AFF2: variants seen among roughly 807,000 people sequenced by gnomAD.
AFF2 encodes the protein AF4/FMR2 family member 2.
AFF2 carries 14 observed loss-of-function variants against 76.9 expected under a neutral mutation model. That is an observed-to-expected ratio of 0.18 (90% CI 0.12 to 0.28). AFF2 has a LOEUF of 0.28. Ranked by LOEUF, AFF2 falls within the 10% of genes least tolerant of loss-of-function variation. AFF2 has a pLI of 1.00. For synonymous variants in AFF2, 398 were observed against 366.7 expected, an observed-to-expected ratio of 1.09 and a Z score of -0.98; for missense variants, 868 against 1,001.1, an observed-to-expected ratio of 0.87 and a Z score of 1.79.
chrX:148,580,719 A>G (rs1167041128), intron 1 of AFF2, among the ~76,000 whole-genome samples: 1 of 79,660 alleles, frequency 1.3e-5, no homozygotes, highest in Non-Finnish European at 2.3e-5. Context: ...TAACAGTTTT[A>G]TATATATATA....
At chrX:148,828,568 G>A (rs1258637756) in intron 4 of AFF2, among the ~76,000 whole-genome samples, 2 of 112,183 alleles carry the variant, frequency 1.8e-5, no homozygotes, top group African/African-American at 6.5e-5. Context: ...ATCGTGTTTA[G>A]GGAATCAAAT....
chrX:148,796,111 C>T (rs782153901), intron 3 of AFF2, among the ~76,000 whole-genome samples: 2 of 106,980 alleles, frequency 1.9e-5, no homozygotes, highest in East Asian at 3.0e-4. Context: ...TCAAATAACA[C>T]ATCATAGTGT....
intron 3 of AFF2, among the ~76,000 whole-genome samples, chrX:148,746,269 T>G (rs2055419948): frequency 8.9e-6 from 1 of 112,135 alleles, no homozygotes; most frequent in Non-Finnish European, 1.9e-5. Flanking sequence ...AAATTCCATT[T>G]TGCTCCTTTG....
intron 1 of AFF2, among the ~76,000 whole-genome samples, chrX:148,569,496 A>T (rs1224473053): frequency 8.9e-6 from 1 of 111,976 alleles, no homozygotes; most frequent in African/African-American, 3.2e-5. Context: ...GAAATATGCC[A>T]TATTTTCTAG....
chrX:148,892,662 G>A (rs989561670), intron 8 of AFF2, among the ~76,000 whole-genome samples: 3 of 111,808 alleles, frequency 2.7e-5, no homozygotes, highest in Admixed American at 9.5e-5. Flanking sequence ...TTTTAAGTTT[G>A]CTAATGAAAA....
chrX:148,806,453 G>A (rs904516679), intron 3 of AFF2, among the ~76,000 whole-genome samples: 27 of 111,890 alleles, frequency 2.4e-4, no homozygotes, highest in African/African-American at 8.1e-4. Flanking sequence ...TGGCAGTGTC[G>A]GTGAACCCGG....
chrX:148,726,678 A>G (rs928836083), intron 3 of AFF2, among the ~76,000 whole-genome samples: 5 of 111,898 alleles, frequency 4.5e-5, no homozygotes, highest in Non-Finnish European at 9.4e-5. Context: ...AACAAATCCC[A>G]CCAATCACAA....
chrX:148,535,003 A>T (rs1389046080), intron 1 of AFF2, among the ~76,000 whole-genome samples: 1 of 111,664 alleles, frequency 9.0e-6, no homozygotes, highest in Non-Finnish European at 1.9e-5. Context: ...CATGGATTTG[A>T]ATGCTAACTC....
chrX:148,603,455 GTTT>G (rs35646834), intron 1 of AFF2, among the ~76,000 whole-genome samples: 3 of 103,043 alleles, frequency 2.9e-5, no homozygotes, highest in African/African-American at 1.1e-4. Flanking sequence ...TCATTAGGTG[GTTT>G]TTTTTTTTTC....
At chrX:148,820,089 G>A (rs1452697280) in intron 4 of AFF2, among the ~76,000 whole-genome samples, 2 of 111,336 alleles carry the variant, frequency 1.8e-5, no homozygotes, top group African/African-American at 6.5e-5. Context: ...TTCCTAAAAT[G>A]GTTTAGCTAT....
At chrX:148,908,917 G>A (rs2071439124) in intron 9 of AFF2, among the ~76,000 whole-genome samples, 1 of 112,265 alleles carries the variant, frequency 8.9e-6, no homozygotes, top group African/African-American at 3.2e-5. Context: ...CAATGGCAGA[G>A]TTGAGTAGTT....
At chrX:148,766,899 T>C (rs2069526638) in intron 3 of AFF2, among the ~76,000 whole-genome samples, 1 of 111,933 alleles carries the variant, frequency 8.9e-6, no homozygotes, top group Middle Eastern at 4.6e-3. Context: ...GTGTGGATTC[T>C]CTCTTGAATC....
intron 3 of AFF2, among the ~76,000 whole-genome samples, chrX:148,696,999 T>C (rs1177079577): frequency 3.6e-5 from 4 of 112,412 alleles, no homozygotes; most frequent in African/African-American, 1.3e-4. Context: ...AGTTATGTAA[T>C]TAAATTTAGT....
intron 1 of AFF2, among the ~76,000 whole-genome samples, chrX:148,516,922 A>G (rs181757375): frequency 8.7e-4 from 97 of 111,918 alleles, no homozygotes; most frequent in African/African-American, 3.0e-3. Context: ...ATTCCACTCT[A>G]ATACTACATC....
intron 1 of AFF2, among the ~76,000 whole-genome samples, chrX:148,625,318 C>T (rs1169576103): frequency 9.0e-6 from 1 of 111,315 alleles, no homozygotes; most frequent in Non-Finnish European, 1.9e-5. Flanking sequence ...GCTGGCCTGT[C>T]CTGAGACTAA....
intron 3 of AFF2, among the ~76,000 whole-genome samples, chrX:148,750,892 T>TAGAA (rs1277326413): frequency 8.9e-6 from 1 of 111,743 alleles, no homozygotes; most frequent in Non-Finnish European, 1.9e-5. Context: ...CCTTGCATTG[T>TAGAA]CATTCTTAAT....
intron 3 of AFF2, among the ~76,000 whole-genome samples, chrX:148,780,685 G>C (rs1320472666): frequency 9.0e-6 from 1 of 111,582 alleles, no homozygotes; most frequent in African/African-American, 3.3e-5. Flanking sequence ...CCTTGCATTA[G>C]GTTAGAACAT....
At chrX:148,917,058 T>G (rs1300816936) in intron 9 of AFF2, among the ~76,000 whole-genome samples, 2 of 112,738 alleles carry the variant, frequency 1.8e-5, no homozygotes, top group African/African-American at 6.5e-5. Context: ...CTGAACTAAT[T>G]ATTAACCATT....
intron 1 of AFF2, among the ~76,000 whole-genome samples, chrX:148,574,034 T>C (rs188060171): frequency 3.9e-3 from 435 of 111,084 alleles, no homozygotes; most frequent in Non-Finnish European, 6.6e-3. Flanking sequence ...ATAATAAATA[T>C]AGAGAGATAG....
Sources: gnomAD v4.1 joint callset for allele counts (sites outside exome capture counted in the v4.1 genomes callset) on GRCh38, gnomAD v4.1.1 for gene constraint, MANE v1.5 for transcripts, NCBI Gene and HGNC (gene_info 2026-07-23, HGNC 2026-07-21) for gene names.